Variants in PLEKHA6 observed in about 807,000 individuals in gnomAD.
PLEKHA6 encodes pleckstrin homology domain-containing family A member 6.
PLEKHA6 carries 60 observed loss-of-function variants against 116.7 expected under a neutral mutation model. The observed-to-expected ratio is 0.51, with a 90% confidence interval of 0.42 to 0.64. The LOEUF (loss-of-function observed/expected upper bound fraction) is 0.64, where lower values mean the gene tolerates loss of function less well. PLEKHA6 is among the 30% of genes least tolerant of loss of function. The pLI, the probability that PLEKHA6 is intolerant of heterozygous loss-of-function variation, is 0.00. For missense variants in PLEKHA6, 1,338 were observed against 1,422.7 expected, an observed-to-expected ratio of 0.94 and a Z score of 0.96; for synonymous variants, 489 against 556.1, an observed-to-expected ratio of 0.88 and a Z score of 1.70.
intron 1 of PLEKHA6, among the ~76,000 whole-genome samples, chr1:204,328,328 C>T (rs1454971249): frequency 3.4e-5 from 5 of 149,058 alleles, no homozygotes; most frequent in South Asian, 4.3e-4. Flanking sequence ...GTGATCCTCC[C>T]GCCTCGGCCA....
intron 13 of PLEKHA6, 145 bp from the exon 14 acceptor site, chr1:204,245,871 C>A: frequency 1.8e-6 from 1 of 561,532 alleles, no homozygotes; most frequent in Non-Finnish European, 3.2e-6. Context: ...CACACACACA[C>A]ACACACATGC....
chr1:204,271,903 T>TA lies in PLEKHA6; in HGVS notation c.102+1722_102+1723insT, dbSNP rs150922762. On this transcript the variant is annotated intron_variant, in intron 3 of 22. Transcript: ENST00000272203. ...ACCTGTATCACGTATTTTCTTTTTT[T>TA]TTATTATTATTATACTTAAAGTTTT... 6.4e-3 allele frequency among the ~76,000 whole-genome samples: 980 copies of TA among 152,316 alleles called. 82 individuals are homozygous for TA. The East Asian group carries it at 0.16, about 26-fold the overall frequency.
At chr1:204,346,356 C>T (rs566994515) in intron 1 of PLEKHA6, among the ~76,000 whole-genome samples, 2 of 152,026 alleles carry the variant, frequency 1.3e-5, no homozygotes, top group Non-Finnish European at 2.9e-5. Flanking sequence ...ACTCTCACCC[C>T]CCTAGAGGAG....
rs759486131 is a variant in PLEKHA6 at position 204,241,450 on chromosome 1, G to A, written c.2334C>T (p.Pro778=). ...VGVVPPRTKS[P]TDDEVTPSAV... is the part of the protein sequence containing the mutation. ...CTGATGGGGTCACCTCATCATCAGT[G>A]GGCGATTTTGTCCGAGGGGGCACAA... The change falls in exon 17 of 23, where the codon CCC becomes CCT. Residue 778 remains proline (P), a synonymous_variant. Coordinates refer to ENST00000272203, the MANE Select transcript of PLEKHA6 (RefSeq NM_014935.5). 5.0e-6 allele frequency: 8 copies of A among 1,608,454 alleles called. No individual in the cohort carries two copies.
intron 1 of PLEKHA6, among the ~76,000 whole-genome samples, chr1:204,290,733 T>C (rs1015267534): frequency 2.0e-5 from 3 of 152,196 alleles, no homozygotes; most frequent in African/African-American, 7.2e-5. Context: ...CTCATGCCTG[T>C]AATCCCAGCA....
intron 1 of PLEKHA6, among the ~76,000 whole-genome samples, chr1:204,324,117 G>T (rs1340172844): frequency 5.9e-5 from 9 of 152,140 alleles, no homozygotes; most frequent in Admixed American, 5.9e-4. Context: ...ATGATGAAGT[G>T]CAGTAAAAGT....
chr1:204,236,682 C>T (rs1203252858), intron 17 of PLEKHA6, among the ~76,000 whole-genome samples: 2 of 152,172 alleles, frequency 1.3e-5, no homozygotes, highest in Non-Finnish European at 1.5e-5. Flanking sequence ...AATAGTCTGA[C>T]TTATGTAGAG....
intron 3 of PLEKHA6, among the ~76,000 whole-genome samples, chr1:204,367,019 C>A (rs1038090019): frequency 2.0e-5 from 3 of 152,250 alleles, no homozygotes; most frequent in Admixed American, 6.5e-5. Context: ...CCTGCAGAAT[C>A]TGAGGCCAGA....
intron 3 of PLEKHA6, among the ~76,000 whole-genome samples, chr1:204,272,749 T>C (rs1008673049): frequency 1.3e-5 from 2 of 152,250 alleles, no homozygotes; most frequent in African/African-American, 4.8e-5. Flanking sequence ...TTTTCATGTC[T>C]GTACATTTAC....
intron 1 of PLEKHA6, among the ~76,000 whole-genome samples, chr1:204,293,724 A>G (rs1435035117): frequency 6.6e-6 from 1 of 152,186 alleles, no homozygotes; most frequent in African/African-American, 2.4e-5. Flanking sequence ...CATTTGGCAA[A>G]ATGTAAGACA....
At chr1:204,345,363 C>G (rs974150221) in intron 1 of PLEKHA6, among the ~76,000 whole-genome samples, 10 of 152,178 alleles carry the variant, frequency 6.6e-5, no homozygotes, top group African/African-American at 7.2e-5. Flanking sequence ...TGACCACACA[C>G]AGCCCATCAG....
rs113365641 is a variant in PLEKHA6, at chr1:204,229,947, A to T, written c.2583+466T>A. 9.1e-3 allele frequency among the ~76,000 whole-genome samples: 1,393 copies of T among 152,332 alleles called. 30 individuals are homozygous for T. Among genetic ancestry groups the T allele is most frequent in the African/African-American group, 0.032 (1,320 of 41,576 alleles). On this transcript the variant is annotated intron_variant, in intron 18 of 22. Coordinates refer to ENST00000272203, the MANE Select transcript of PLEKHA6 (RefSeq NM_014935.5). ...CCCCATCTGCAAAATAGGGATAATA[A>T]TTCCTAACCCAATGTTGTTAAAAGG...
intron 17 of PLEKHA6, among the ~76,000 whole-genome samples, chr1:204,235,192 A>G (rs1453858493): frequency 4.0e-5 from 6 of 151,584 alleles, no homozygotes; most frequent in African/African-American, 1.5e-4. Context: ...ATTAGACCCA[A>G]AAATGCTAAG....
At chr1:204,317,211 A>T in intron 1 of PLEKHA6, 1 of 973,262 alleles carries the variant, frequency 1.0e-6, no homozygotes, top group Non-Finnish European at 1.2e-6. Context: ...CTGCTGATAG[A>T]ATACCAATCC....
chr1:204,259,566 C>T lies in PLEKHA6; in HGVS notation c.699G>A (p.Pro233=), dbSNP rs34623102. The T allele has an allele frequency of 1.4e-3, 2,325 of 1,614,066 alleles. 34 individuals are homozygous for T. In the African/African-American group the frequency reaches 0.028, roughly 19 times the overall value. ...PERPEVKKEP[P]VKANGLPAGP... ...CAGCTGGGAGGCCATTGGCTTTCAC[C>T]GGAGGCTCTTTCTTGACTTCTGGCC... is the stretch of plus-strand genomic sequence containing the variant. The change falls in exon 8 of 23, where the codon CCG becomes CCA. Residue 233 remains proline (P), a synonymous_variant. Coordinates refer to ENST00000272203, the MANE Select transcript of PLEKHA6 (RefSeq NM_014935.5). This position sits in a 1 kb window ranked among gnomAD's most constrained non-coding sequence, Gnocchi z 4.6.
At chr1:204,240,330 G>A (rs770247281) in intron 17 of PLEKHA6, among the ~76,000 whole-genome samples, 4 of 152,240 alleles carry the variant, frequency 2.6e-5, no homozygotes, top group Non-Finnish European at 4.4e-5. Context: ...ACCTGCTGAG[G>A]TGCTTGCTGA....
intron 1 of PLEKHA6, chr1:204,282,565 G>C: frequency 1.2e-6 from 1 of 842,088 alleles, no homozygotes; most frequent in Non-Finnish European, 1.4e-6. Context: ...GGCCCTCCAA[G>C]ACTCCAGGCC....
Position 204,228,636 on chromosome 1 carries a change from G to A in PLEKHA6, c.2885+92C>T. ...ACCACCTCGATGTGCTCTCCCCTGG[G>A]GAGGCTCTGTGCCCCCAACGACTTC... On this transcript the variant is annotated intron_variant, in intron 20 of 22. Transcript: ENST00000272203. This position sits in a 1 kb window ranked among gnomAD's most constrained non-coding sequence, Gnocchi z 4.0. The A allele has an allele frequency of 8.5e-7, 1 of 1,181,306 alleles. No individual in the cohort carries two copies. The highest frequency in any genetic ancestry group is 1.3e-6 in the Non-Finnish European group (1 of 795,304). 73.2% of individuals were successfully genotyped at this position (1,181,306 alleles called of 1,614,324 possible). A position where few individuals can be genotyped will look rare whatever the true frequency, so the allele number is the denominator to read the frequency against.
intron 1 of PLEKHA6, among the ~76,000 whole-genome samples, chr1:204,280,691 G>A (rs1371749596): frequency 3.3e-5 from 5 of 152,196 alleles, no homozygotes; most frequent in African/African-American, 1.2e-4. Flanking sequence ...CTCCAGAGAG[G>A]ATTTCTGCTG....
Sources: allele counts gnomAD v4.1 joint callset (sites outside exome capture counted in the v4.1 genomes callset), GRCh38; gene constraint gnomAD v4.1.1; non-coding constraint Gnocchi (gnomAD v3.1); transcripts MANE v1.5; gene names NCBI Gene and HGNC (gene_info 2026-07-23, HGNC 2026-07-21).